Variants in MYO1B observed in about 807,000 individuals in gnomAD.
The protein encoded by MYO1B is unconventional myosin-Ib.
In MYO1B, 72 loss-of-function variants were observed where a neutral mutation model predicts 159.7. That is an observed-to-expected ratio of 0.45 (90% CI 0.37 to 0.55). MYO1B has a LOEUF of 0.55. Ranked by LOEUF, MYO1B falls within the 20% of genes least tolerant of loss-of-function variation. The probability of loss-of-function intolerance (pLI) is 0.00; values close to 1 mark genes in which losing one functional copy is unlikely to be tolerated. For missense variants in MYO1B, 1,062 were observed against 1,364.8 expected, an observed-to-expected ratio of 0.78 and a Z score of 3.50; for synonymous variants, 468 against 473.8, an observed-to-expected ratio of 0.99 and a Z score of 0.16.
rs550365332 is a variant in MYO1B at position 191,347,874 on chromosome 2, A to G, written c.498+1592A>G. The stretch of plus-strand genomic sequence containing the variant: ...AAATTGCAATGTCTTCGACTTGCAA[A>G]CCAGTCTGTGTTGGTCTGGTTAACC... On this transcript the variant is annotated intron_variant, in intron 6 of 30. Transcript: ENST00000392318. 7.9e-5 allele frequency among the ~76,000 whole-genome samples: 12 copies of G among 152,322 alleles called. No homozygotes were observed. The South Asian group carries it at 2.3e-3, about 29-fold the overall frequency.
chr2:191,391,062 C>T (rs1559227118), intron 18 of MYO1B, among the ~76,000 whole-genome samples: 1 of 152,222 alleles, frequency 6.6e-6, no homozygotes, highest in Non-Finnish European at 1.5e-5. Flanking sequence ...TGCTGGACAC[C>T]GCAGGCCCAG....
chr2:191,270,912 T>G (rs972311851), intron 1 of MYO1B, among the ~76,000 whole-genome samples: 1 of 152,268 alleles, frequency 6.6e-6, no homozygotes, highest in Non-Finnish European at 1.5e-5. Context: ...TGTCATTGTT[T>G]TGCCTTCTGG....
chr2:191,298,173 A>C (rs755665018), intron 3 of MYO1B, among the ~76,000 whole-genome samples: 2 of 152,230 alleles, frequency 1.3e-5, no homozygotes, highest in African/African-American at 2.4e-5. Flanking sequence ...TTTGGAACTA[A>C]AGATTATTTA....
At chr2:191,330,083 A>G in intron 4 of MYO1B, 54 bp downstream of exon 4, 1 of 1,516,222 alleles carries the variant, frequency 6.6e-7, no homozygotes, top group Non-Finnish European at 9.1e-7. Context: ...CAGAATGACA[A>G]CAGCAAAGAG....
At chr2:191,252,888 C>T (rs1472556685) in intron 1 of MYO1B, among the ~76,000 whole-genome samples, 1 of 152,172 alleles carries the variant, frequency 6.6e-6, no homozygotes, top group Non-Finnish European at 1.5e-5. Context: ...TCCCCATTTT[C>T]TGTGACCCTT....
chr2:191,406,817 A>G (rs4853592), intron 24 of MYO1B, among the ~76,000 whole-genome samples: 1,589 of 152,370 alleles, frequency 0.01, 61 homozygotes, highest in Admixed American at 0.076. Context: ...TAAAAACTCA[A>G]TGTCTGCAAA....
intron 1 of MYO1B, among the ~76,000 whole-genome samples, chr2:191,254,594 C>G (rs987889703): frequency 6.6e-6 from 1 of 151,834 alleles, no homozygotes; most frequent in Non-Finnish European, 1.5e-5. Flanking sequence ...CAGCCTCATA[C>G]TCCTGGACTC....
intron 7 of MYO1B, 32 bp downstream of exon 7, chr2:191,350,257 G>A (rs750083924): frequency 8.0e-6 from 12 of 1,499,676 alleles, no homozygotes; most frequent in Non-Finnish European, 1.1e-5. Context: ...TTGTAAAGAA[G>A]TTCAGAATAC....
In MYO1B at chr2:191,248,672, T is replaced by TA. The variant is rs564725501; in HGVS notation, c.-10+3053dup. Among the ~76,000 whole-genome samples, 98 of 152,232 alleles carry TA rather than the reference T, an allele frequency of 6.4e-4. 1 individual carries two copies. In the East Asian group the frequency reaches 0.011, roughly 16 times the overall value. Reference sequence around the variant, plus strand: ...CTATCATTTTTGCACCATTATAGAGTAAAAAAATCCTAAGTTGAACCATTG... The same window carrying TA: ...CTATCATTTTTGCACCATTATAGAGTAAAAAAAATCCTAAGTTGAACCATTG... On this transcript the variant is annotated intron_variant, in intron 1 of 30. Transcript: ENST00000392318.
At position 191,408,976 on chromosome 2, in the gene MYO1B, A is replaced by G. The variant is rs1045909911; in HGVS notation, c.2632-68A>G. On this transcript the variant is annotated intron_variant, in intron 25 of 30. Coordinates refer to ENST00000392318, the MANE Select transcript of MYO1B (RefSeq NM_001130158.3). Reference sequence around the variant, plus strand: ...CTATTGTCTCGTTTATTTGATCATGATGTATGTAAAACAGTGTCTTTTGTG... The same window carrying G: ...CTATTGTCTCGTTTATTTGATCATGGTGTATGTAAAACAGTGTCTTTTGTG... 4.8e-6 allele frequency: 7 copies of G among 1,459,886 alleles called. No individual in the cohort carries two copies. The African/African-American group carries it at 8.7e-5, about 18-fold the overall frequency. 90.4% of individuals were successfully genotyped at this position (1,459,886 alleles called of 1,614,324 possible). A position where few individuals can be genotyped will look rare whatever the true frequency, so the allele number is the denominator to read the frequency against.
At chr2:191,320,189 G>A (rs952205805) in intron 3 of MYO1B, among the ~76,000 whole-genome samples, 1 of 152,196 alleles carries the variant, frequency 6.6e-6, no homozygotes, top group Non-Finnish European at 1.5e-5. Flanking sequence ...ACACGGACCA[G>A]ATGACTTGTC....
intron 1 of MYO1B, among the ~76,000 whole-genome samples, chr2:191,273,783 A>T (rs1233104710): frequency 6.6e-6 from 1 of 152,246 alleles, no homozygotes; most frequent in East Asian, 1.9e-4. Flanking sequence ...CCAGTGCTCT[A>T]CATACATTCT....
rs375379136 is a variant in MYO1B at position 191,374,547 on chromosome 2, C to T, written c.1185+4255C>T. On this transcript the variant is annotated intron_variant, in intron 13 of 30. Coordinates refer to ENST00000392318, the MANE Select transcript of MYO1B (RefSeq NM_001130158.3). ...TCATTCCCTGTGGTCTGTCTCTGAA[C>T]GGAAGAGGGAAACTGATGCATTAAA... is the stretch of plus-strand genomic sequence containing the variant. Among the ~76,000 whole-genome samples the T allele has an allele frequency of 3.3e-5, 5 of 152,190 alleles. No homozygotes were observed. In the South Asian group the frequency reaches 8.3e-4, roughly 25 times the overall value.
intron 2 of MYO1B, among the ~76,000 whole-genome samples, chr2:191,283,478 T>TA (rs972382273): frequency 1.3e-5 from 2 of 152,342 alleles, no homozygotes; most frequent in Admixed American, 6.5e-5. Flanking sequence ...TATTGGTTGG[T>TA]AAAATGATAA....
At chr2:191,369,517 G>C (rs1409415609) in intron 11 of MYO1B, 25 bp from the exon 12 acceptor site, 1 of 1,567,372 alleles carries the variant, frequency 6.4e-7, no homozygotes, top group South Asian at 1.1e-5. Flanking sequence ...TGGGTGTTAA[G>C]TTTTGTTTGT....
intron 21 of MYO1B, among the ~76,000 whole-genome samples, chr2:191,397,745 C>T (rs1696224155): frequency 6.9e-6 from 1 of 145,252 alleles, no homozygotes; most frequent in African/African-American, 2.6e-5. Flanking sequence ...GGCAGAGGGG[C>T]TCCTCACTTC....
chr2:191,348,065 G>A (rs549321836), intron 6 of MYO1B, among the ~76,000 whole-genome samples: 5 of 152,268 alleles, frequency 3.3e-5, no homozygotes, highest in African/African-American at 7.2e-5. Context: ...ATTGAGCTAC[G>A]AGTTATTTCT....
At position 191,387,416 on chromosome 2, in the gene MYO1B, A is replaced by G. The variant is rs1456193779; in HGVS notation, c.1747A>G (p.Lys583Glu). The change falls in exon 17 of 31, where the codon AAA (lysine) becomes GAA (glutamate). Residue 583 changes from lysine (K) to glutamate (E), a missense_variant. By Grantham distance (56) the Lys-to-Glu change is moderately conservative. This residue lies in a region of MYO1B where 609 missense variants were observed against 744.4 expected (regional missense o/e 0.82). Coordinates refer to ENST00000392318, the MANE Select transcript of MYO1B (RefSeq NM_001130158.3). ...CAAGGCATCCGTGGCCACTCTGATG[A>G]AAAACCTACAGACCAAGAACCCAAA... ...QFKASVATLM[K>E]NLQTKNPNYI... 1 of 1,614,084 alleles carries G rather than the reference A, an allele frequency of 6.2e-7. No individual in the cohort carries two copies. Among genetic ancestry groups the G allele is most frequent in the Non-Finnish European group, 8.5e-7 (1 of 1,180,032 alleles).
intron 12 of MYO1B, 109 bp from the exon 13 acceptor site, chr2:191,370,118 T>C (rs1474870881): frequency 2.7e-6 from 2 of 727,274 alleles, no homozygotes; most frequent in African/African-American, 1.8e-5. Flanking sequence ...TTAGTTATTT[T>C]CTTACTTAAG....
Sources: gnomAD v4.1 joint callset for allele counts (sites outside exome capture counted in the v4.1 genomes callset) on GRCh38, gnomAD v4.1.1 for gene constraint, gnomAD v4.1.1 regional missense constraint, MANE v1.5 for transcripts, NCBI Gene and HGNC (gene_info 2026-07-23, HGNC 2026-07-21) for gene names.